Variants in ABR observed in about 807,000 individuals in gnomAD.
ABR encodes the protein active breakpoint cluster region-related protein.
A neutral mutation model predicts 107.2 loss-of-function variants in ABR; 35 were observed. The ratio of observed to expected loss-of-function variants is 0.33; its 90% CI spans 0.25 to 0.43. The LOEUF is 0.43. Ranked by LOEUF, ABR falls within the 20% of genes least tolerant of loss-of-function variation. The pLI, the probability that ABR is intolerant of heterozygous loss-of-function variation, is 1.00. For synonymous variants in ABR, 498 were observed against 462.0 expected, an observed-to-expected ratio of 1.08 and a Z score of -1.00; for missense variants, 815 against 1,115.2, an observed-to-expected ratio of 0.73 and a Z score of 3.83.
chr17:1,016,047 A>G (rs1445318470), intron 16 of ABR, among the ~76,000 whole-genome samples: 1 of 152,222 alleles, frequency 6.6e-6, no homozygotes, highest in African/African-American at 2.4e-5. Context: ...TATGTGAACA[A>G]TGAAACATTT....
At chr17:1,008,442 C>G (rs900859658) in intron 21 of ABR, among the ~76,000 whole-genome samples, 3 of 151,610 alleles carry the variant, frequency 2.0e-5, no homozygotes, top group African/African-American at 7.2e-5. Context: ...AGCCCCTCAC[C>G]ACACGCGCGC....
At chr17:1,082,120 G>A (rs2036280766) in intron 5 of ABR, among the ~76,000 whole-genome samples, 1 of 152,046 alleles carries the variant, frequency 6.6e-6, no homozygotes, top group Non-Finnish European at 1.5e-5. Context: ...GCTGAGACGG[G>A]AACACAAAGG....
rs114500320 is a variant in ABR, at chr17:1,112,373, G to A, written c.247-11638C>T. 3.9e-3 allele frequency among the ~76,000 whole-genome samples: 588 copies of A among 152,332 alleles called. 3 individuals carry two copies. Among genetic ancestry groups the A allele is most frequent in the African/African-American group, 0.013 (556 of 41,562 alleles). ...AAAGCTTCACAGGACAGTGGCTTCTGAGTAGCATCTGGAAATAGGGAAGGG... is the reference window on the plus strand; with the variant it reads ...AAAGCTTCACAGGACAGTGGCTTCTAAGTAGCATCTGGAAATAGGGAAGGG... On this transcript the variant is annotated intron_variant, in intron 2 of 22. Coordinates refer to ENST00000302538, the MANE Select transcript of ABR (RefSeq NM_021962.5).
At chr17:1,111,403 G>GC (rs929156509) in intron 2 of ABR, among the ~76,000 whole-genome samples, 15 of 152,104 alleles carry the variant, frequency 9.9e-5, no homozygotes, top group East Asian at 1.9e-4. Flanking sequence ...GGCCCTCGGT[G>GC]CCCCCCTGGA....
At chr17:1,049,649 C>T (rs2032220284) in intron 16 of ABR, among the ~76,000 whole-genome samples, 1 of 152,184 alleles carries the variant, frequency 6.6e-6, no homozygotes, top group Non-Finnish European at 1.5e-5. Context: ...ACGCCTGGTC[C>T]GTGTGCCTAA....
chr17:1,059,711 C>G (rs1461844442), intron 10 of ABR, among the ~76,000 whole-genome samples: 1 of 152,206 alleles, frequency 6.6e-6, no homozygotes, highest in Non-Finnish European at 1.5e-5. Flanking sequence ...GACCCCCTCC[C>G]TTTTATTAAC....
Position 1,051,222 on chromosome 17 carries a change from T to C in ABR, c.1562-588A>G, listed in dbSNP as rs930292403. 6.6e-6 allele frequency among the ~76,000 whole-genome samples: 1 copy of C among 152,100 alleles called. No homozygotes were observed. The highest frequency in any genetic ancestry group is 2.4e-5 in the African/African-American group (1 of 41,406). On this transcript the variant is annotated intron_variant, in intron 14 of 22. Coordinates refer to ENST00000302538, the MANE Select transcript of ABR (RefSeq NM_021962.5). This position sits in a 1 kb window ranked among gnomAD's most constrained non-coding sequence, Gnocchi z 4.3. ...GTGGTTTCCTCCGCTGCACTTAACATAAACCAAAGGGATCTTCTCTACTCG... is the reference window on the plus strand; with the variant it reads ...GTGGTTTCCTCCGCTGCACTTAACACAAACCAAAGGGATCTTCTCTACTCG...
At chr17:1,137,679 C>T (rs2040133545) in intron 1 of ABR, among the ~76,000 whole-genome samples, 1 of 152,100 alleles carries the variant, frequency 6.6e-6, no homozygotes, top group African/African-American at 2.4e-5. Context: ...AGAGAGAATG[C>T]GAGGTGGCCA....
At chr17:1,042,163 C>T (rs530659815) in intron 16 of ABR, among the ~76,000 whole-genome samples, 3 of 145,686 alleles carry the variant, frequency 2.1e-5, no homozygotes, top group African/African-American at 4.9e-5. Context: ...CAAATGTGCA[C>T]GGATGGACGG....
At chr17:1,109,666 G>T (rs1567773984) in intron 2 of ABR, among the ~76,000 whole-genome samples, 1 of 151,824 alleles carries the variant, frequency 6.6e-6, no homozygotes. Context: ...CCCATGCGCC[G>T]GAGCCCCCTT....
chr17:1,219,420 T>G (rs1000273112), intron 1 of ABR, among the ~76,000 whole-genome samples: 5 of 151,628 alleles, frequency 3.3e-5, no homozygotes, highest in African/African-American at 7.3e-5. Flanking sequence ...ACCTTGCACC[T>G]GCAGCAATGA....
intron 1 of ABR, among the ~76,000 whole-genome samples, chr17:1,199,971 C>T (rs1273950115): frequency 4.7e-5 from 7 of 149,872 alleles, no homozygotes; most frequent in African/African-American, 1.7e-4. Context: ...ATGTGCACAA[C>T]GTGCAGGTCT....
intron 12 of ABR, 145 bp downstream of exon 12, chr17:1,057,825 A>G: frequency 1.5e-6 from 1 of 685,054 alleles, no homozygotes; most frequent in South Asian, 1.7e-5. Flanking sequence ...ATTAATCCGT[A>G]ACATCCTTAA....
intron 1 of ABR, among the ~76,000 whole-genome samples, chr17:1,143,857 G>A (rs1217560996): frequency 6.6e-6 from 1 of 152,120 alleles, no homozygotes; most frequent in Non-Finnish European, 1.5e-5. Context: ...AAGCGCATGT[G>A]GCTTCACCAG....
chr17:1,190,825 C>T (rs8081687), upstream of ABR, among the ~76,000 whole-genome samples: 37,917 of 152,144 alleles, frequency 0.25, 6,089 homozygotes, highest in Non-Finnish European at 0.35. Context: ...GCGCTGCAGG[C>T]GAAGCTGTGA....
chr17:1,012,926 C>A, intron 17 of ABR, 129 bp from the exon 18 acceptor site: 1 of 1,063,194 alleles, frequency 9.4e-7, no homozygotes. Context: ...TCCCTCAACA[C>A]AACACCTGCA....
chr17:1,173,685 C>A (rs2041828911), intron 1 of ABR, among the ~76,000 whole-genome samples: 1 of 152,056 alleles, frequency 6.6e-6, no homozygotes, highest in African/African-American at 2.4e-5. Flanking sequence ...GCTCAAGGAG[C>A]CAAGAACTCG....
At chr17:1,127,933 T>C (rs1400256979) in intron 1 of ABR, among the ~76,000 whole-genome samples, 1 of 152,202 alleles carries the variant, frequency 6.6e-6, no homozygotes, top group African/African-American at 2.4e-5. Flanking sequence ...TTTTTCCCAA[T>C]TTACATACAA....
chr17:1,101,641 A>G (rs4968161), intron 2 of ABR, among the ~76,000 whole-genome samples: 3,209 of 152,178 alleles, frequency 0.021, 83 homozygotes, highest in Admixed American at 0.079. Context: ...TATTTACTGA[A>G]TGTCCACCAG....
Sources: allele counts gnomAD v4.1 joint callset (sites outside exome capture counted in the v4.1 genomes callset), GRCh38; gene constraint gnomAD v4.1.1; non-coding constraint Gnocchi (gnomAD v3.1); transcripts MANE v1.5; gene names NCBI Gene and HGNC (gene_info 2026-07-23, HGNC 2026-07-21).